Variants in ERAP1 observed in about 807,000 individuals in gnomAD.
ERAP1 encodes the protein endoplasmic reticulum aminopeptidase 1, also known as adipocyte-derived leucine aminopeptidase.
A neutral mutation model predicts 103.7 loss-of-function variants in ERAP1; 86 were observed. The observed-to-expected ratio is 0.83, with a 90% confidence interval of 0.70 to 0.99. The LOEUF is 0.99. ERAP1 is among the 50% of genes least tolerant of loss of function. The pLI is 0.00. For missense variants in ERAP1, 1,009 were observed against 1,128.4 expected, an observed-to-expected ratio of 0.89 and a Z score of 1.52; for synonymous variants, 398 against 402.4, an observed-to-expected ratio of 0.99 and a Z score of 0.13.
the ERAP1 span, among the ~76,000 whole-genome samples, chr5:96,885,212 A>T: frequency 6.6e-6 from 1 of 151,930 alleles, no homozygotes; most frequent in African/African-American, 2.4e-5. Context: ...TCTGCCAGTA[A>T]CCCCTCCACA....
chr5:96,923,894 C>T, the ERAP1 span, among the ~76,000 whole-genome samples: 5 of 152,016 alleles, frequency 3.3e-5, no homozygotes, highest in Admixed American at 1.3e-4. Context: ...AAGCAAAGGG[C>T]CCTGAGGAGA....
chr5:96,887,073 G>GTATATA, the ERAP1 span, among the ~76,000 whole-genome samples: 11,074 of 85,406 alleles, frequency 0.13, 705 homozygotes, highest in Non-Finnish European at 0.19. Context: ...AATTTTCAAA[G>GTATATA]TATATATATA....
At chr5:96,840,662 A>G in the ERAP1 span, among the ~76,000 whole-genome samples, 2 of 152,164 alleles carry the variant, frequency 1.3e-5, no homozygotes, top group African/African-American at 4.8e-5. Context: ...CTGTTAAAGC[A>G]GATCTCTGTC....
At chr5:96,786,797 C>A in intron 11 of ERAP1, 1 of 459,000 alleles carries the variant, frequency 2.2e-6, no homozygotes, top group Non-Finnish European at 4.0e-6. Context: ...ACCCTGAAAG[C>A]CTTTTTACAG....
chr5:96,803,923 C>T lies in ERAP1; in HGVS notation c.4G>A (p.Val2Met), dbSNP rs1185940720. The T allele has an allele frequency of 1.2e-6, 2 of 1,605,540 alleles. No individual in the cohort carries two copies. Among genetic ancestry groups the T allele is most frequent in the Non-Finnish European group, 1.7e-6 (2 of 1,179,980 alleles). ...AGGGACCATTTGAGGGGCAGAAACA[C>T]CATCTTCTTGCTCTACCTACCTAGC... MVFLPLKWSLAT... is the reference protein window; with the variant it reads MMFLPLKWSLAT... The change falls in exon 2 of 19, where the codon GTG becomes ATG. Residue 2 changes from valine (V) to methionine (M), a missense_variant. By Grantham distance (21) the Val-to-Met change is conservative (BLOSUM62 1). Around this residue, in one of 3 missense-constraint regions of ERAP1, gnomAD observed 392 missense variants for 455.2 expected, o/e 0.86. Coordinates refer to ENST00000443439, the MANE Select transcript of ERAP1 (RefSeq NM_001040458.3).
rs1778836366 is a variant in ERAP1 at position 96,807,887 on chromosome 5, T to G, written c.-45A>C. On this transcript the variant is annotated 5_prime_UTR_variant, in exon 1 of 19. Transcript: ENST00000443439. ...GGGGTTCTGGGGCCGCCCTCACCCT[T>G]GCGCCGCCGCCACCACCACTGCCGC... 1.0e-6 allele frequency: 1 copy of G among 986,078 alleles called. No homozygotes were observed. The highest frequency in any genetic ancestry group is 1.2e-6 in the Non-Finnish European group (1 of 830,644). The allele number at this position is 986,078 out of a possible 1,614,324, so 61.1% of individuals were successfully genotyped here. A position where few individuals can be genotyped will look rare whatever the true frequency, so the allele number is the denominator to read the frequency against.
At chr5:96,814,182 C>T in the ERAP1 span, 3 of 453,394 alleles carry the variant, frequency 6.6e-6, no homozygotes, top group South Asian at 3.1e-5. Context: ...TCCAGCATTC[C>T]GTTCCTCATT....
chr5:96,827,614 G>A, the ERAP1 span, among the ~76,000 whole-genome samples: 4 of 152,164 alleles, frequency 2.6e-5, no homozygotes, highest in African/African-American at 7.2e-5. Context: ...GCAGTGAGCC[G>A]AGATCACCCC....
At chr5:96,858,723 C>T in the ERAP1 span, among the ~76,000 whole-genome samples, 2 of 152,138 alleles carry the variant, frequency 1.3e-5, no homozygotes, top group African/African-American at 4.8e-5. Flanking sequence ...TACCTGCTGC[C>T]TTTATAGAGC....
At chr5:96,800,718 A>G (rs1777891482) in intron 3 of ERAP1, 144 bp downstream of exon 3, 4 of 887,916 alleles carry the variant, frequency 4.5e-6, no homozygotes, top group Admixed American at 2.2e-5. Flanking sequence ...AAACAAAAGC[A>G]TAGGTTATAA....
chr5:96,895,351 C>T, the ERAP1 span: 6 of 1,603,200 alleles, frequency 3.7e-6, no homozygotes, highest in Admixed American at 1.0e-4. Flanking sequence ...ATATCCAGAG[C>T]TGCAATTTGT....
Position 96,776,223 on chromosome 5 carries a change from T to TAAA in ERAP1, c.*172_*173insTTT, listed in dbSNP as rs1554107820. 2.7e-5 allele frequency: 40 copies of TAAA among 1,486,324 alleles called. No homozygotes were observed. The South Asian group carries it at 4.7e-4, about 17-fold the overall frequency. 92.1% of individuals were successfully genotyped at this position (1,486,324 alleles called of 1,614,324 possible). On this transcript the variant is annotated 3_prime_UTR_variant, in exon 19 of 19. Coordinates refer to ENST00000443439, the MANE Select transcript of ERAP1 (RefSeq NM_001040458.3). The stretch of plus-strand genomic sequence containing the variant: ...TGATGAACAAAACACATGGTAGCGA[T>TAAA]AGCCCATTCATGAAAAACTAACAGC...
chr5:96,853,911 C>T, the ERAP1 span, among the ~76,000 whole-genome samples: 2 of 149,340 alleles, frequency 1.3e-5, no homozygotes, highest in African/African-American at 4.9e-5. Context: ...CAAAATAATA[C>T]ATGCTCTTAA....
In ERAP1 at chr5:96,784,039, A is replaced by T; in HGVS notation, c.1985T>A (p.Leu662Gln). Reference sequence around the variant, plus strand: ...AATTTCAGTTTCATGTTTCAAGTACAGGGATAAATCCAAGGCCTTTTCAAT... The same window carrying T: ...AATTTCAGTTTCATGTTTCAAGTACTGGGATAAATCCAAGGCCTTTTCAAT... ...LSIEKALDLS[L>Q]YLKHETEIMP... Residue 662 changes from leucine (L) to glutamine (Q), a missense_variant, in exon 14 of 19, where the codon CTG becomes CAG. This residue lies in a region of ERAP1 where 611 missense variants were observed against 651.7 expected (regional missense o/e 0.94). Coordinates refer to ENST00000443439, the MANE Select transcript of ERAP1 (RefSeq NM_001040458.3). 6.2e-7 allele frequency: 1 copy of T among 1,614,158 alleles called. No homozygotes were observed. Among genetic ancestry groups the T allele is most frequent in the Non-Finnish European group, 8.5e-7 (1 of 1,180,006 alleles).
the ERAP1 span, among the ~76,000 whole-genome samples, chr5:96,911,915 C>T: frequency 1.8e-4 from 24 of 136,230 alleles, no homozygotes; most frequent in East Asian, 4.1e-3. Context: ...AATGGCCGGG[C>T]GCGGTGGCTC....
rs115349472 is a variant in ERAP1 at position 96,790,178 on chromosome 5, A to T, written c.1524+118T>A. On this transcript the variant is annotated intron_variant, in intron 10 of 18. Coordinates refer to ENST00000443439, the MANE Select transcript of ERAP1 (RefSeq NM_001040458.3). ...TATGGAATAGTTTAAATGCAGTCTT[A>T]TCTGGAATGAGGGTGATATAATCAA... 9.1e-4 allele frequency: 784 copies of T among 857,024 alleles called. 3 individuals carry two copies. In the African/African-American group the frequency reaches 0.011, roughly 12 times the overall value. 53.1% of individuals were successfully genotyped at this position (857,024 alleles called of 1,614,324 possible). A position where few individuals can be genotyped will look rare whatever the true frequency, so the allele number is the denominator to read the frequency against.
the ERAP1 span, among the ~76,000 whole-genome samples, chr5:96,928,131 C>T: frequency 0.026 from 3,991 of 152,210 alleles, 175 homozygotes; most frequent in African/African-American, 0.091. Context: ...TCAAGTGATC[C>T]GCCCACCTCA....
chr5:96,803,769 C>G lies in ERAP1; in HGVS notation c.158G>C (p.Arg53Pro). ...DGTPFPWNKIRLPEYVIPVHY... is the reference protein window; with the variant it reads ...DGTPFPWNKIPLPEYVIPVHY... ...AACTGGGATGACGTACTCAGGAAGT[C>G]GTATTTTATTCCAAGGAAATGGTGT... The change falls in exon 2 of 19, where the codon CGA (arginine) becomes CCA (proline). Residue 53 changes from arginine to proline, a missense_variant. Arg to Pro is a moderately radical substitution (Grantham distance 103). Coordinates refer to ENST00000443439, the MANE Select transcript of ERAP1 (RefSeq NM_001040458.3). The G allele has an allele frequency of 1.2e-6, 2 of 1,614,150 alleles. No homozygotes were observed. The highest frequency in any genetic ancestry group is 1.7e-6 in the Non-Finnish European group (2 of 1,180,044).
At chr5:96,857,406 C>A in the ERAP1 span, among the ~76,000 whole-genome samples, 1 of 152,042 alleles carries the variant, frequency 6.6e-6, no homozygotes, top group Non-Finnish European at 1.5e-5. Context: ...ATAATTTTAT[C>A]CTCAGCATCT....
Sources: gnomAD v4.1 joint callset for allele counts (sites outside exome capture counted in the v4.1 genomes callset) on GRCh38, gnomAD v4.1.1 for gene constraint, gnomAD v4.1.1 regional missense constraint, MANE v1.5 for transcripts, NCBI Gene and HGNC (gene_info 2026-07-23, HGNC 2026-07-21) for gene names.